Variants in BBX observed in about 807,000 individuals in gnomAD.
BBX encodes BBX high mobility group box domain containing, also known as HMG box transcription factor BBX.
BBX carries 30 observed loss-of-function variants against 100.2 expected under a neutral mutation model. The ratio of observed to expected loss-of-function variants is 0.30; its 90% confidence interval spans 0.22 to 0.41. BBX has a LOEUF of 0.41. Ranked by LOEUF, BBX falls within the 10% of genes least tolerant of loss-of-function variation. BBX has a pLI of 1.00. For missense variants in BBX, 1,023 were observed against 1,129.8 expected (o/e 0.91, Z 1.35); for synonymous variants, 376 against 388.1 (o/e 0.97, Z 0.37).
chr3:107,605,613 A>G lies in BBX; in HGVS notation c.-83-40223A>G, dbSNP rs146216622. On this transcript the variant is annotated intron_variant, in intron 2 of 17. Coordinates refer to ENST00000325805, the MANE Select transcript of BBX (RefSeq NM_001142568.3). ...CCCTTCCTTCTCCTACCACCCTCTC[A>G]CCACCCAAACACACACACAGTTGAT... 2.0e-3 allele frequency among the ~76,000 whole-genome samples: 303 copies of G among 152,214 alleles called. 1 individual carries two copies. The highest frequency in any genetic ancestry group is 7.0e-3 in the African/African-American group (290 of 41,544).
At chr3:107,715,469 A>G (rs2062038592) in intron 4 of BBX, among the ~76,000 whole-genome samples, 1 of 152,238 alleles carries the variant, frequency 6.6e-6, no homozygotes, top group African/African-American at 2.4e-5. Flanking sequence ...ATTTTAGATA[A>G]GGGATACTTA....
chr3:107,580,215 T>C (rs2052168999), intron 2 of BBX, among the ~76,000 whole-genome samples: 1 of 152,180 alleles, frequency 6.6e-6, no homozygotes, highest in Non-Finnish European at 1.5e-5. Flanking sequence ...TAATACAAAA[T>C]AGGCTCTTTA....
At chr3:107,550,649 G>A (rs1484774976) in intron 2 of BBX, among the ~76,000 whole-genome samples, 10 of 152,184 alleles carry the variant, frequency 6.6e-5, no homozygotes, top group African/African-American at 2.4e-4. Context: ...CAAGGGAAAT[G>A]TATCTTCTAA....
At chr3:107,706,889 T>A (rs116364954) in intron 3 of BBX, among the ~76,000 whole-genome samples, 33 of 152,346 alleles carry the variant, frequency 2.2e-4, no homozygotes, top group Non-Finnish European at 4.9e-4. Flanking sequence ...TTTTTTCATC[T>A]TTTTAAAATG....
In BBX at chr3:107,763,263, T is replaced by C. The variant is rs6437742; in HGVS notation, c.906+7585T>C. Among the ~76,000 whole-genome samples, 521 of 151,548 alleles carry C rather than the reference T, an allele frequency of 3.4e-3. 1 individual carries two copies. The highest frequency in any genetic ancestry group is 0.011 in the African/African-American group (434 of 41,292). On this transcript the variant is annotated intron_variant, in intron 10 of 17. Coordinates refer to ENST00000325805, the MANE Select transcript of BBX (RefSeq NM_001142568.3). ...TTTTTGAGACAGAGTCTCGCTCTGTTGCCCAGGCTGGAGTGCGGTGGCGCG... is the reference window on the plus strand; with the variant it reads ...TTTTTGAGACAGAGTCTCGCTCTGTCGCCCAGGCTGGAGTGCGGTGGCGCG...
At position 107,778,446 on chromosome 3, in the gene BBX, G is replaced by C; in HGVS notation, c.2130G>C (p.Arg710=). The change falls in exon 13 of 18, where the codon CGG becomes CGC. Residue 710 remains arginine, a synonymous_variant. Transcript: ENST00000325805. ...AATATAGTCCTGTTACATTTGACCG[G>C]AAATGTGTACCTGTCCCAAGAAAAA... ...LPQYSPVTFD[R]KCVPVPRKKK... is the part of the protein sequence containing the mutation. 1 of 1,613,334 alleles carries C rather than the reference G, an allele frequency of 6.2e-7. No homozygotes were observed. The highest frequency in any genetic ancestry group is 1.1e-5 in the South Asian group (1 of 91,066).
At chr3:107,630,092 A>G (rs1432988810) in intron 2 of BBX, among the ~76,000 whole-genome samples, 2 of 152,158 alleles carry the variant, frequency 1.3e-5, no homozygotes, top group Non-Finnish European at 2.9e-5. Flanking sequence ...CAGTCCTTCT[A>G]TATCCATAGC....
At chr3:107,747,917 A>T (rs1380744108) in intron 8 of BBX, 48 bp from the exon 9 acceptor site, 4 of 1,478,190 alleles carry the variant, frequency 2.7e-6, no homozygotes, top group Non-Finnish European at 3.8e-6. Context: ...TTATGATCTG[A>T]TGTGGAAAAA....
chr3:107,536,727 A>G (rs1184019297), intron 2 of BBX, among the ~76,000 whole-genome samples: 3 of 152,126 alleles, frequency 2.0e-5, no homozygotes, highest in Non-Finnish European at 1.5e-5. Context: ...AATTTTTTCA[A>G]CATTCATTGA....
intron 3 of BBX, among the ~76,000 whole-genome samples, chr3:107,707,202 G>A (rs563752981): frequency 5.9e-5 from 9 of 152,232 alleles, no homozygotes; most frequent in African/African-American, 2.2e-4. Context: ...TGTACTAGGG[G>A]TTGCCAGCCT....
At chr3:107,723,626 G>T (rs1341127391) in intron 5 of BBX, among the ~76,000 whole-genome samples, 2 of 151,916 alleles carry the variant, frequency 1.3e-5, no homozygotes, top group Non-Finnish European at 2.9e-5. Context: ...TGTTCTCATT[G>T]TTCAATTCTC....
chr3:107,743,250 GAGA>G (rs568483732), intron 7 of BBX, among the ~76,000 whole-genome samples: 25 of 152,222 alleles, frequency 1.6e-4, no homozygotes, highest in Non-Finnish European at 2.8e-4. Flanking sequence ...TGATAAAGCA[GAGA>G]AGTTGATTTT....
intron 2 of BBX, among the ~76,000 whole-genome samples, chr3:107,611,859 C>T (rs2054873917): frequency 6.6e-6 from 1 of 152,078 alleles, no homozygotes; most frequent in Non-Finnish European, 1.5e-5. Flanking sequence ...AGTGCAGTAA[C>T]TCCTAGATTT....
chr3:107,693,475 T>C (rs2060335745), intron 3 of BBX, among the ~76,000 whole-genome samples: 1 of 151,330 alleles, frequency 6.6e-6, no homozygotes, highest in African/African-American at 2.4e-5. Context: ...CCATTGCTTG[T>C]TTTTCTCAGG....
intron 2 of BBX, among the ~76,000 whole-genome samples, chr3:107,585,978 G>T (rs1199361878): frequency 2.0e-5 from 3 of 152,052 alleles, no homozygotes; most frequent in Non-Finnish European, 4.4e-5. Flanking sequence ...GGATATTTTT[G>T]TGAAAGAACG....
chr3:107,535,709 C>T (rs1576207003), intron 2 of BBX, among the ~76,000 whole-genome samples: 2 of 151,906 alleles, frequency 1.3e-5, no homozygotes, highest in East Asian at 1.9e-4. Context: ...TCTTGTGCCT[C>T]AGCATCCCAA....
intron 8 of BBX, among the ~76,000 whole-genome samples, chr3:107,746,185 G>T (rs985571667): frequency 1.3e-5 from 2 of 152,060 alleles, no homozygotes; most frequent in Non-Finnish European, 2.9e-5. Context: ...TACAATATTT[G>T]TGTATTTCCC....
chr3:107,707,260 CCACCTTGGT>C (rs2107268951), intron 3 of BBX, among the ~76,000 whole-genome samples: 1 of 152,322 alleles, frequency 6.6e-6, no homozygotes, highest in Non-Finnish European at 1.5e-5. Flanking sequence ...ACATCACATG[CCACCTTGGT>C]CTGTGTGTCT....
At chr3:107,761,233 G>A (rs2065877201) in intron 10 of BBX, among the ~76,000 whole-genome samples, 1 of 152,220 alleles carries the variant, frequency 6.6e-6, no homozygotes, top group African/African-American at 2.4e-5. Context: ...CAGATTGACA[G>A]GAATAGAGGA....
Sources: allele counts gnomAD v4.1 joint callset (sites outside exome capture counted in the v4.1 genomes callset), GRCh38; gene constraint gnomAD v4.1.1; transcripts MANE v1.5; gene names NCBI Gene and HGNC (gene_info 2026-07-23, HGNC 2026-07-21).